LAMA2: variants seen among roughly 807,000 people sequenced by gnomAD.
LAMA2 encodes the protein laminin subunit alpha-2.
Under a neutral mutation model 364.8 loss-of-function variants are expected in LAMA2, and 269 were observed. The observed-to-expected ratio is 0.74, with a 90% CI of 0.67 to 0.82. The LOEUF is 0.82. LAMA2 is among the 40% of genes least tolerant of loss of function. The pLI is 0.00. For missense variants in LAMA2, 3,807 were observed against 3,873.2 expected (o/e 0.98, Z 0.45); for synonymous variants, 1,379 against 1,370.6 (o/e 1.01, Z -0.14).
Position 129,402,446 on chromosome 6 carries a change from C to A in LAMA2, c.5685C>A (p.Ser1895Arg), listed in dbSNP as rs1780035318. ...KLAEKVSQAESHAAQLNDSSA... is the reference protein window; with the variant it reads ...KLAEKVSQAERHAAQLNDSSA... The stretch of plus-strand genomic sequence containing the variant: ...CTGAGAAGGTGTCCCAGGCTGAGAG[C>A]CACGCAGCTCAGTTGAATGACTCAT... Residue 1895 changes from serine to arginine, a missense_variant, in exon 39 of 65, where the codon AGC (serine) becomes AGA (arginine). Physicochemically the swap from Ser to Arg is moderately radical, Grantham distance 110. Coordinates refer to ENST00000421865, the MANE Select transcript of LAMA2 (RefSeq NM_000426.4). 6.2e-7 allele frequency: 1 copy of A among 1,613,986 alleles called. No homozygotes were observed.
intron 3 of LAMA2, among the ~76,000 whole-genome samples, chr6:129,066,887 A>T (rs1183927021): frequency 1.3e-5 from 2 of 152,352 alleles, no homozygotes; most frequent in African/African-American, 4.8e-5. Flanking sequence ...AAGAATGAGT[A>T]TAGACCCTTA....
intron 40 of LAMA2, among the ~76,000 whole-genome samples, chr6:129,419,999 T>C (rs1780994246): frequency 6.6e-6 from 1 of 152,132 alleles, no homozygotes; most frequent in African/African-American, 2.4e-5. Flanking sequence ...ATTTTTTAAA[T>C]TATTATAAAA....
At chr6:129,061,087 T>A (rs1788883987) in intron 3 of LAMA2, among the ~76,000 whole-genome samples, 1 of 152,200 alleles carries the variant, frequency 6.6e-6, no homozygotes, top group South Asian at 2.1e-4. Context: ...TGATCAATCA[T>A]GCTTTAGGAA....
intron 9 of LAMA2, among the ~76,000 whole-genome samples, chr6:129,174,767 G>C (rs1403057799): frequency 6.6e-6 from 1 of 152,032 alleles, no homozygotes; most frequent in Non-Finnish European, 1.5e-5. Context: ...TCTCCAAGGG[G>C]TTTCTTTATT....
chr6:129,399,327 A>C (rs1300725264), intron 37 of LAMA2, among the ~76,000 whole-genome samples: 1 of 152,188 alleles, frequency 6.6e-6, no homozygotes, highest in African/African-American at 2.4e-5. Flanking sequence ...CCAATTTTAC[A>C]ATGTCTATCA....
intron 1 of LAMA2, among the ~76,000 whole-genome samples, chr6:129,007,253 G>C (rs1562913193): frequency 6.6e-6 from 1 of 152,058 alleles, no homozygotes; most frequent in Non-Finnish European, 1.5e-5. Context: ...ATTGGAGAGA[G>C]GGGAAATATG....
chr6:129,447,943 G>A (rs535911659), intron 45 of LAMA2, among the ~76,000 whole-genome samples: 2 of 152,238 alleles, frequency 1.3e-5, no homozygotes, highest in East Asian at 3.9e-4. Context: ...TCACAAAACG[G>A]TGAAATTCAG....
chr6:128,887,117 C>A (rs1776191389), intron 1 of LAMA2, among the ~76,000 whole-genome samples: 1 of 152,180 alleles, frequency 6.6e-6, no homozygotes, highest in Non-Finnish European at 1.5e-5. Context: ...AATCCTCACA[C>A]ATTTTTGGCA....
chr6:129,050,091 A>G lies in LAMA2; in HGVS notation c.283+3A>G, dbSNP rs1787891796. The G allele has an allele frequency of 6.2e-7, 1 of 1,614,024 alleles. No individual in the cohort carries two copies. The highest frequency in any genetic ancestry group is 8.5e-7 in the Non-Finnish European group (1 of 1,180,010). On this transcript the variant is annotated splice_donor_region_variant and intron_variant, in intron 2 of 64. Transcript: ENST00000421865. The stretch of plus-strand genomic sequence containing the variant: ...TCAAAACAGCAGCAATCCAAACCGT[A>G]TGTATTTTAGTGTGTAGGTGTGTGG...
chr6:129,228,697 A>G (rs1187989128), intron 12 of LAMA2, among the ~76,000 whole-genome samples: 1 of 152,112 alleles, frequency 6.6e-6, no homozygotes, highest in Non-Finnish European at 1.5e-5. Context: ...AACTCTAAAG[A>G]CTCCTGTTCT....
At chr6:129,302,276 G>A (rs1650185545) in intron 22 of LAMA2, among the ~76,000 whole-genome samples, 1 of 151,784 alleles carries the variant, frequency 6.6e-6, no homozygotes, top group Non-Finnish European at 1.5e-5. Flanking sequence ...CAGTAATGTT[G>A]GGAATCCTTT....
At chr6:129,049,285 T>C (rs191773424) in intron 1 of LAMA2, among the ~76,000 whole-genome samples, 6 of 152,336 alleles carry the variant, frequency 3.9e-5, no homozygotes, top group Admixed American at 3.3e-4. Context: ...ACTTCTATTA[T>C]ATCTAAGACA....
At chr6:129,400,147 C>T (rs2114689837) in intron 37 of LAMA2, among the ~76,000 whole-genome samples, 1 of 152,294 alleles carries the variant, frequency 6.6e-6, no homozygotes, top group East Asian at 1.9e-4. Flanking sequence ...TGTGTCCTCA[C>T]ATGGTAAAAG....
intron 28 of LAMA2, among the ~76,000 whole-genome samples, chr6:129,326,591 C>T (rs1483241275): frequency 2.0e-5 from 3 of 151,310 alleles, no homozygotes; most frequent in Non-Finnish European, 4.4e-5. Flanking sequence ...ACAGTAATTA[C>T]AGTAATAACT....
intron 6 of LAMA2, among the ~76,000 whole-genome samples, chr6:129,147,937 A>T (rs76148112): frequency 7.3e-6 from 1 of 136,652 alleles, no homozygotes; most frequent in Non-Finnish European, 1.5e-5. Flanking sequence ...TCCATTTTTT[A>T]AAATTTTACT....
chr6:129,113,895 T>C (rs1330304016), intron 4 of LAMA2, among the ~76,000 whole-genome samples: 2 of 151,974 alleles, frequency 1.3e-5, no homozygotes, highest in Non-Finnish European at 2.9e-5. Flanking sequence ...AGAGGAGAGA[T>C]AGTTTGGAAC....
chr6:129,170,051 C>CT (rs1196240112), intron 9 of LAMA2, among the ~76,000 whole-genome samples: 1 of 151,886 alleles, frequency 6.6e-6, no homozygotes, highest in African/African-American at 2.4e-5. Flanking sequence ...ATTCTTCTCT[C>CT]TTTTTTTCTT....
chr6:129,318,705 C>A (rs1176146411), intron 27 of LAMA2, among the ~76,000 whole-genome samples: 1 of 152,130 alleles, frequency 6.6e-6, no homozygotes, highest in Non-Finnish European at 1.5e-5. Context: ...AGAGTGAAAC[C>A]TGAATTTTAA....
In LAMA2 at chr6:129,401,152, G is replaced by T. The variant is rs115630988; in HGVS notation, c.5446-72G>T. 2,095 of 949,380 alleles carry T rather than the reference G, an allele frequency of 2.2e-3. 24 individuals carry two copies. The African/African-American group carries it at 0.03, about 13-fold the overall frequency. The allele number at this position is 949,380 out of a possible 1,614,324, so 58.8% of individuals were successfully genotyped here. On this transcript the variant is annotated intron_variant, in intron 37 of 64. Transcript: ENST00000421865. Reference sequence around the variant, plus strand: ...CTAAGCTTTTATTCAAACAGCTCAGGAAAGTCAGGAATACAAGGGGTAGGA... The same window carrying T: ...CTAAGCTTTTATTCAAACAGCTCAGTAAAGTCAGGAATACAAGGGGTAGGA...
Sources: allele counts gnomAD v4.1 joint callset (sites outside exome capture counted in the v4.1 genomes callset), GRCh38; gene constraint gnomAD v4.1.1; transcripts MANE v1.5; gene names NCBI Gene and HGNC (gene_info 2026-07-23, HGNC 2026-07-21).